The following GPHN variants were observed in gnomAD, a reference collection of about 807,000 sequenced individuals.
The protein encoded by GPHN is gephyrin.
In GPHN, 17 loss-of-function variants were observed where a neutral mutation model predicts 95.5. The observed-to-expected ratio is 0.18, with a 90% CI of 0.12 to 0.27. The LOEUF (loss-of-function observed/expected upper bound fraction) is 0.27. GPHN is among the 10% of genes least tolerant of loss of function. The pLI, the probability that GPHN is intolerant of heterozygous loss-of-function variation, is 1.00. For missense variants in GPHN, 660 were observed against 978.1 expected (o/e 0.67, Z 4.34); for synonymous variants, 320 against 322.5 (o/e 0.99, Z 0.08).
the GPHN span, chr14:67,338,193 G>A: frequency 1.3e-5 from 2 of 154,344 alleles, no homozygotes; most frequent in Non-Finnish European, 2.9e-5. Context: ...CAAAGTTTGA[G>A]AAGTACCATG....
chr14:66,542,538 C>T (rs930410368), intron 1 of GPHN, among the ~76,000 whole-genome samples: 4 of 152,164 alleles, frequency 2.6e-5, no homozygotes, highest in Non-Finnish European at 4.4e-5. Context: ...CCAATCCCTT[C>T]GTTTGTGCAT....
At chr14:66,955,143 C>A (rs2153581233) in intron 8 of GPHN, among the ~76,000 whole-genome samples, 1 of 152,142 alleles carries the variant, frequency 6.6e-6, no homozygotes, top group East Asian at 1.9e-4. Flanking sequence ...AGGAAATGTT[C>A]CCTCCTCATA....
intron 1 of GPHN, among the ~76,000 whole-genome samples, chr14:66,551,874 T>A (rs2059825308): frequency 6.6e-6 from 1 of 152,144 alleles, no homozygotes. Context: ...TCCATCTCCA[T>A]GATTCAATCA....
At chr14:66,961,770 A>G (rs1567155155) in intron 8 of GPHN, among the ~76,000 whole-genome samples, 3 of 150,904 alleles carry the variant, frequency 2.0e-5, no homozygotes, top group African/African-American at 4.8e-5. Context: ...TGCTGGGTGG[A>G]ACTGAGTTGT....
intron 10 of GPHN, among the ~76,000 whole-genome samples, chr14:67,056,029 G>T (rs1594960553): frequency 6.6e-6 from 1 of 152,200 alleles, no homozygotes; most frequent in Non-Finnish European, 1.5e-5. Context: ...AGGCAGCACG[G>T]ACCCAAAGAG....
At chr14:67,217,904 C>A in the GPHN span, among the ~76,000 whole-genome samples, 1,828 of 152,190 alleles carry the variant, frequency 0.012, 19 homozygotes, top group Non-Finnish European at 0.018. Flanking sequence ...GGAAAAAATG[C>A]CTCCTCCAAT....
chr14:66,949,060 A>G (rs911619804), intron 8 of GPHN, among the ~76,000 whole-genome samples: 2 of 152,184 alleles, frequency 1.3e-5, no homozygotes, highest in African/African-American at 2.4e-5. Context: ...TTTAGGTATT[A>G]TATGTAATCA....
chr14:66,679,102 A>C (rs1053373589), intron 1 of GPHN, among the ~76,000 whole-genome samples: 8 of 152,220 alleles, frequency 5.3e-5, no homozygotes, highest in African/African-American at 1.9e-4. Flanking sequence ...TCAGGCCCGA[A>C]GTCTCCCTGT....
the GPHN span, among the ~76,000 whole-genome samples, chr14:67,667,498 G>A: frequency 6.6e-6 from 1 of 152,128 alleles, no homozygotes; most frequent in Non-Finnish European, 1.5e-5. Flanking sequence ...CCTTGTAAGG[G>A]TTGTTTGAAA....
At chr14:67,569,683 GA>G in the GPHN span, 4 of 563,144 alleles carry the variant, frequency 7.1e-6, no homozygotes, top group South Asian at 4.2e-5. Context: ...CCTCATGGAG[GA>G]AAAAATGGTT....
intron 8 of GPHN, among the ~76,000 whole-genome samples, chr14:66,941,793 A>G (rs1039834886): frequency 3.3e-5 from 5 of 152,100 alleles, no homozygotes; most frequent in African/African-American, 9.7e-5. Flanking sequence ...ATACTCACAG[A>G]TACTTTCCAA....
At chr14:67,164,500 T>C (rs1450564253) in intron 19 of GPHN, among the ~76,000 whole-genome samples, 1 of 152,010 alleles carries the variant, frequency 6.6e-6, no homozygotes, top group Non-Finnish European at 1.5e-5. Context: ...GTAATCTGCT[T>C]TCTTTTTTTT....
rs969538691 is a variant in GPHN at position 66,629,182 on chromosome 14, T to C, written c.65-51925T>C. On this transcript the variant is annotated intron_variant, in intron 1 of 22. Transcript: ENST00000478722. ...ATATGTATATAAATATATATATACA[T>C]ATATAAATATGTATATAAATATATA... Among the ~76,000 whole-genome samples the C allele has an allele frequency of 5.5e-4, 77 of 139,874 alleles. 3 individuals are homozygous for C. Among genetic ancestry groups the C allele is most frequent in the Non-Finnish European group, 1.1e-3 (71 of 63,682 alleles). 91.8% of individuals were successfully genotyped at this position (139,874 alleles called of 152,430 possible).
intron 10 of GPHN, among the ~76,000 whole-genome samples, chr14:67,056,712 C>G (rs1191138421): frequency 2.0e-5 from 3 of 152,206 alleles, no homozygotes; most frequent in African/African-American, 2.4e-5. Context: ...CCCACCAGAC[C>G]CACACCACGT....
the GPHN span, chr14:67,574,139 G>A: frequency 9.6e-7 from 1 of 1,037,470 alleles, no homozygotes; most frequent in Non-Finnish European, 1.4e-6. This position sits in a 1 kb window ranked among gnomAD's most constrained non-coding sequence, Gnocchi z 4.2. Context: ...GCAGGCAGAA[G>A]GCCAGCCCCT....
the GPHN span, among the ~76,000 whole-genome samples, chr14:67,323,259 G>GTATA: frequency 6.0e-4 from 75 of 125,208 alleles, no homozygotes; most frequent in East Asian, 7.0e-3. Flanking sequence ...GTGTGTGTGT[G>GTATA]TGTATATATA....
At chr14:67,673,463 C>T in the GPHN span, among the ~76,000 whole-genome samples, 2 of 152,312 alleles carry the variant, frequency 1.3e-5, no homozygotes, top group Non-Finnish European at 2.9e-5. Flanking sequence ...TGTTTATCAC[C>T]TACCCACTAG....
chr14:67,529,327 G>A, the GPHN span, among the ~76,000 whole-genome samples: 39 of 152,142 alleles, frequency 2.6e-4, no homozygotes, highest in Admixed American at 2.0e-3. Flanking sequence ...TGTGTCCCCT[G>A]GGTGGAAGAG....
At chr14:66,796,611 G>A (rs561277659) in intron 3 of GPHN, among the ~76,000 whole-genome samples, 1 of 152,008 alleles carries the variant, frequency 6.6e-6, no homozygotes, top group East Asian at 1.9e-4. Flanking sequence ...ATTATGTTGA[G>A]CACCTTTTCA....
Sources: allele counts gnomAD v4.1 joint callset (sites outside exome capture counted in the v4.1 genomes callset), GRCh38; gene constraint gnomAD v4.1.1; non-coding constraint Gnocchi (gnomAD v3.1); transcripts MANE v1.5; gene names NCBI Gene and HGNC (gene_info 2026-07-23, HGNC 2026-07-21).